The following C1orf105 variants were observed in gnomAD, a reference collection of about 807,000 sequenced individuals.
C1orf105 encodes uncharacterized protein C1orf105.
C1orf105 carries 17 observed loss-of-function variants against 20.8 expected under a neutral mutation model. That is an observed-to-expected ratio of 0.82 (90% CI 0.56 to 1.23). The LOEUF (loss-of-function observed/expected upper bound fraction) is 1.23, where lower values mean the gene tolerates loss of function less well. C1orf105 is among the 50% of genes most tolerant of loss of function. C1orf105 has a pLI of 0.00. For synonymous variants in C1orf105, 72 were observed against 72.1 expected (o/e 1.00, Z 0.01); for missense variants, 219 against 213.5 (o/e 1.03, Z -0.16).
chr1:172,467,542 G>A (rs6667786), intron 6 of C1orf105, among the ~76,000 whole-genome samples: 132,485 of 152,158 alleles, frequency 0.87, 57,900 homozygotes, highest in East Asian at 1. Flanking sequence ...CACCTGGCAT[G>A]GTGGTATGAT....
chr1:172,450,086 A>G (rs1648446342), intron 3 of C1orf105, among the ~76,000 whole-genome samples: 1 of 152,170 alleles, frequency 6.6e-6, no homozygotes, highest in Admixed American at 6.5e-5. Context: ...CAATATTCAT[A>G]GTTAGCCACT....
At chr1:172,444,352 C>T (rs1384255762) in intron 1 of C1orf105, 15 of 960,912 alleles carry the variant, frequency 1.6e-5, no homozygotes, top group Non-Finnish European at 1.9e-5. Context: ...GCTTTTGTTG[C>T]GCTCCTTTAT....
intron 1 of C1orf105, among the ~76,000 whole-genome samples, chr1:172,437,886 G>A (rs1441002241): frequency 6.6e-6 from 1 of 152,106 alleles, no homozygotes; most frequent in Non-Finnish European, 1.5e-5. Flanking sequence ...CATAGCTAAA[G>A]AGGAGAAGTC....
chr1:172,466,596 A>G (rs1242603291), intron 6 of C1orf105, among the ~76,000 whole-genome samples: 1 of 151,012 alleles, frequency 6.6e-6, no homozygotes, highest in Non-Finnish European at 1.5e-5. Flanking sequence ...ACACACACAC[A>G]CACACACACA....
chr1:172,442,627 C>G, intron 1 of C1orf105: 1 of 1,603,582 alleles, frequency 6.2e-7, no homozygotes. Flanking sequence ...ATACATTATC[C>G]TTTCATTCAA....
intron 1 of C1orf105, among the ~76,000 whole-genome samples, chr1:172,435,008 A>G (rs957246930): frequency 1.1e-4 from 16 of 152,370 alleles, no homozygotes; most frequent in African/African-American, 3.4e-4. Flanking sequence ...AGAAATGGAT[A>G]AATTCCTGGA....
At chr1:172,449,514 G>T (rs929154335) in intron 3 of C1orf105, among the ~76,000 whole-genome samples, 2 of 152,124 alleles carry the variant, frequency 1.3e-5, no homozygotes, top group African/African-American at 4.8e-5. Flanking sequence ...GAGAAGAGAA[G>T]ATTATCAGCA....
intron 1 of C1orf105, among the ~76,000 whole-genome samples, chr1:172,432,598 AC>A (rs2071906972): frequency 6.6e-6 from 1 of 152,200 alleles, no homozygotes; most frequent in African/African-American, 2.4e-5. Context: ...CTACACCAAA[AC>A]CCTATCTGTA....
At chr1:172,424,481 C>T (rs963979592) in intron 1 of C1orf105, among the ~76,000 whole-genome samples, 1 of 152,220 alleles carries the variant, frequency 6.6e-6, no homozygotes, top group Non-Finnish European at 1.5e-5. Flanking sequence ...ACCTCTGCCT[C>T]CCGGGTTCGA....
chr1:172,466,636 T>C (rs184586738), intron 6 of C1orf105, among the ~76,000 whole-genome samples: 2 of 151,670 alleles, frequency 1.3e-5, no homozygotes, highest in East Asian at 3.9e-4. Flanking sequence ...AATCATTGTG[T>C]GCCTTTCCCT....
At chr1:172,441,040 G>A (rs1490296450) in intron 1 of C1orf105, among the ~76,000 whole-genome samples, 1 of 152,118 alleles carries the variant, frequency 6.6e-6, no homozygotes, top group South Asian at 2.1e-4. Flanking sequence ...GCCTATTTAA[G>A]TCTCCCCTGT....
intron 4 of C1orf105, among the ~76,000 whole-genome samples, chr1:172,458,093 C>G (rs528810725): frequency 4.6e-5 from 7 of 152,264 alleles, no homozygotes; most frequent in African/African-American, 1.4e-4. Flanking sequence ...TAATAAAGAG[C>G]AGCTTGAAAA....
Position 172,465,488 on chromosome 1 carries a change from T to C in C1orf105, c.406+125T>C, listed in dbSNP as rs73048521. 1.3e-4 allele frequency: 101 copies of C among 779,514 alleles called. No homozygotes were observed. In the African/African-American group the frequency reaches 1.7e-3, roughly 13 times the overall value. The allele number at this position is 779,514 out of a possible 1,614,324, so 48.3% of individuals were successfully genotyped here. ...CAAATCCTCACTTTCTATCCCTTTC[T>C]CTTTCACGTATTGTCTTTTGACCTG... On this transcript the variant is annotated intron_variant, in intron 6 of 6. Coordinates refer to ENST00000367727, the MANE Select transcript of C1orf105 (RefSeq NM_139240.4).
At chr1:172,454,451 G>T (rs1301483027) in intron 3 of C1orf105, among the ~76,000 whole-genome samples, 1 of 151,764 alleles carries the variant, frequency 6.6e-6, no homozygotes, top group Non-Finnish European at 1.5e-5. Flanking sequence ...CACCCCCAGG[G>T]GTATCAGGAA....
chr1:172,460,942 A>G (rs1419031135), intron 4 of C1orf105, among the ~76,000 whole-genome samples: 2 of 152,192 alleles, frequency 1.3e-5, no homozygotes, highest in Non-Finnish European at 2.9e-5. Context: ...CATTCATACA[A>G]TAGCGCTAGC....
At chr1:172,439,415 A>G (rs1309184446) in intron 1 of C1orf105, among the ~76,000 whole-genome samples, 1 of 152,136 alleles carries the variant, frequency 6.6e-6, no homozygotes, top group Non-Finnish European at 1.5e-5. Flanking sequence ...CATACTGTTC[A>G]TTCTAGCTGT....
chr1:172,425,802 T>C (rs960726278), intron 1 of C1orf105, among the ~76,000 whole-genome samples: 1 of 152,202 alleles, frequency 6.6e-6, no homozygotes, highest in African/African-American at 2.4e-5. Flanking sequence ...AATATGCTCA[T>C]GAGGATGTGA....
In C1orf105 at chr1:172,468,527, C is replaced by T. The variant is rs76775594; in HGVS notation, c.485C>T (p.Thr162Ile). 3.8e-4 allele frequency: 612 copies of T among 1,614,042 alleles called. 4 individuals are homozygous for T. The African/African-American group carries it at 7.3e-3, about 19-fold the overall frequency. ...FHGLLTEAYK[T>I]LKERQRSSLP... The stretch of plus-strand genomic sequence containing the variant: ...GGATTACTGACAGAGGCCTACAAAA[C>T]TCTAAAAGAGAGACAACGTTCTTCC... Residue 162 changes from threonine (T) to isoleucine (I), a missense_variant, in exon 7 of 7, where the codon ACT becomes ATT. Transcript: ENST00000367727.
intron 1 of C1orf105, among the ~76,000 whole-genome samples, chr1:172,440,343 AAAC>A (rs1422309431): frequency 1.3e-5 from 2 of 152,220 alleles, no homozygotes; most frequent in Non-Finnish European, 1.5e-5. Context: ...ATGTCAGCTT[AAAC>A]AACATCTAAT....
Sources: allele counts gnomAD v4.1 joint callset (sites outside exome capture counted in the v4.1 genomes callset), GRCh38; gene constraint gnomAD v4.1.1; transcripts MANE v1.5; gene names NCBI Gene and HGNC (gene_info 2026-07-23, HGNC 2026-07-21).